The following CDH8 variants were observed in gnomAD, a reference collection of about 807,000 sequenced individuals.
CDH8 encodes the protein cadherin 8.
A neutral mutation model predicts 68.1 loss-of-function variants in CDH8; 17 were observed. That is an observed-to-expected ratio of 0.25 (90% CI 0.17 to 0.37). The LOEUF (loss-of-function observed/expected upper bound fraction) is 0.37, where lower values mean the gene tolerates loss of function less well. CDH8 is among the 10% of genes least tolerant of loss of function. CDH8 has a pLI of 1.00. For synonymous variants in CDH8, 372 were observed against 365.1 expected (o/e 1.02, Z -0.21); for missense variants, 763 against 999.3 (o/e 0.76, Z 3.19).
At chr16:61,855,706 A>C (rs1362271712) in intron 4 of CDH8, among the ~76,000 whole-genome samples, 1 of 152,284 alleles carries the variant, frequency 6.6e-6, no homozygotes, top group East Asian at 1.9e-4. Flanking sequence ...CCTGTGCCAT[A>C]GTTATTACCT....
chr16:61,987,882 G>C (rs1965654977), intron 2 of CDH8, among the ~76,000 whole-genome samples: 1 of 152,076 alleles, frequency 6.6e-6, no homozygotes, highest in African/African-American at 2.4e-5. Flanking sequence ...GCCTCATTTA[G>C]TTCTCTCAAT....
chr16:61,686,048 A>T (rs1464408630), intron 10 of CDH8, among the ~76,000 whole-genome samples: 1 of 152,018 alleles, frequency 6.6e-6, no homozygotes, highest in Non-Finnish European at 1.5e-5. Context: ...CACATTGGTT[A>T]TCTAATTTAA....
intron 1 of CDH8, among the ~76,000 whole-genome samples, chr16:62,025,420 C>A (rs924896344): frequency 3.9e-5 from 6 of 152,076 alleles, no homozygotes; most frequent in Non-Finnish European, 7.3e-5. Context: ...TAGCCATATA[C>A]CACAGAGAGG....
At chr16:61,720,180 T>A (rs1959206755) in intron 9 of CDH8, among the ~76,000 whole-genome samples, 1 of 150,974 alleles carries the variant, frequency 6.6e-6, no homozygotes, top group African/African-American at 2.4e-5. Flanking sequence ...GCTTAATGGT[T>A]ACAGCCATGT....
intron 1 of CDH8, 78 bp from the exon 2 acceptor site, chr16:62,021,680 C>T: frequency 1.3e-6 from 1 of 768,278 alleles, no homozygotes. Flanking sequence ...TTCAAAAGCA[C>T]CTGAAGTGAA....
chr16:61,953,895 T>TTATA (rs66743095), intron 2 of CDH8, among the ~76,000 whole-genome samples: 3,480 of 118,690 alleles, frequency 0.029, 88 homozygotes, highest in South Asian at 0.047. Context: ...AAAAAAAACT[T>TTATA]TATATATATA....
chr16:61,737,949 C>T (rs950262102), intron 8 of CDH8, among the ~76,000 whole-genome samples: 1 of 152,068 alleles, frequency 6.6e-6, no homozygotes, highest in Admixed American at 6.6e-5. Context: ...AGAGTAGTCA[C>T]TTTATTTCAC....
rs116140564 is a variant in CDH8 at position 61,875,843 on chromosome 16, T to C, written c.548-18605A>G. On this transcript the variant is annotated intron_variant, in intron 3 of 11. Transcript: ENST00000577390. The stretch of plus-strand genomic sequence containing the variant: ...TATCTTGCCACCAAATAGGAAGCTA[T>C]TGTGACCAAAATAGTTAGGTTTTCT... Among the ~76,000 whole-genome samples, 967 of 152,248 alleles carry C rather than the reference T, an allele frequency of 6.4e-3. 12 individuals carry two copies. The highest frequency in any genetic ancestry group is 0.022 in the African/African-American group (930 of 41,556).
intron 8 of CDH8, among the ~76,000 whole-genome samples, chr16:61,765,336 TC>T (rs1264296735): frequency 2.0e-5 from 3 of 152,116 alleles, no homozygotes; most frequent in Non-Finnish European, 2.9e-5. Flanking sequence ...TTTCAGTTTG[TC>T]CCCTAAACCC....
At chr16:61,848,898 T>C (rs1567498701) in intron 4 of CDH8, among the ~76,000 whole-genome samples, 1 of 152,120 alleles carries the variant, frequency 6.6e-6, no homozygotes, top group Non-Finnish European at 1.5e-5. Flanking sequence ...ATATTTATTG[T>C]AAACTATATG....
At chr16:61,753,903 T>G (rs1309128775) in intron 8 of CDH8, among the ~76,000 whole-genome samples, 2 of 152,154 alleles carry the variant, frequency 1.3e-5, no homozygotes, top group Non-Finnish European at 2.9e-5. Context: ...GGAGCTTTCA[T>G]CTGCCAGGTC....
chr16:61,912,274 A>T (rs1964174875), intron 2 of CDH8, among the ~76,000 whole-genome samples: 1 of 152,144 alleles, frequency 6.6e-6, no homozygotes, highest in Non-Finnish European at 1.5e-5. Context: ...GCCATAAAAT[A>T]GGAGGGTGAC....
rs780387534 is a variant in CDH8 at position 61,655,633 on chromosome 16, A to G, written c.1743T>C (p.Ser581=). The G allele has an allele frequency of 5.6e-6, 9 of 1,613,938 alleles. No individual in the cohort carries two copies. The South Asian group carries it at 9.9e-5, about 18-fold the overall frequency. The change falls in exon 11 of 12, where the codon AGT becomes AGC. Residue 581 remains serine (S), a synonymous_variant. Transcript: ENST00000577390. Reference sequence around the variant, plus strand: ...TAGTGCTGCTCAGTGGAGGATTTCCACTATCACTGATTATGATTGGTAAAA... The same window carrying G: ...TAGTGCTGCTCAGTGGAGGATTTCCGCTATCACTGATTATGATTGGTAAAA... The part of the protein sequence containing the change: ...VYLLPIIISD[S]GNPPLSSTST...
intron 2 of CDH8, among the ~76,000 whole-genome samples, chr16:61,960,262 T>TATATACGTGTGTGTGTATACACAC (rs1965111567): frequency 9.8e-6 from 1 of 102,024 alleles, no homozygotes; most frequent in Non-Finnish European, 1.8e-5. Flanking sequence ...TACACATACA[T>TATATACGTGTGTGTGTATACACAC]ATATACGTGT....
intron 11 of CDH8, among the ~76,000 whole-genome samples, chr16:61,654,402 C>T (rs16963771): frequency 0.045 from 6,867 of 152,012 alleles, 433 homozygotes; most frequent in East Asian, 0.26. Flanking sequence ...GAGTGAGTGG[C>T]ACAAAATAGA....
intron 8 of CDH8, among the ~76,000 whole-genome samples, chr16:61,782,110 T>C (rs1479618881): frequency 6.6e-6 from 1 of 152,096 alleles, no homozygotes; most frequent in Non-Finnish European, 1.5e-5. Context: ...TAGGAACAGC[T>C]CCGGTCTACA....
intron 10 of CDH8, among the ~76,000 whole-genome samples, chr16:61,659,778 G>A (rs899378136): frequency 3.9e-5 from 6 of 152,146 alleles, no homozygotes; most frequent in Non-Finnish European, 8.8e-5. Flanking sequence ...TTTGCCCAGG[G>A]GGGTGGAAAG....
chr16:61,738,780 A>AATGTCATCT (rs1007117362), intron 8 of CDH8, among the ~76,000 whole-genome samples: 22 of 152,192 alleles, frequency 1.4e-4, no homozygotes, highest in African/African-American at 5.3e-4. Context: ...CGTGCATACA[A>AATGTCATCT]ATGTCATCTT....
intron 2 of CDH8, among the ~76,000 whole-genome samples, chr16:61,962,555 G>A (rs1965175042): frequency 6.6e-6 from 1 of 152,130 alleles, no homozygotes; most frequent in Non-Finnish European, 1.5e-5. Flanking sequence ...AGTTAGTCTG[G>A]GGCTGTTGGC....
Sources: gnomAD v4.1 joint callset for allele counts (sites outside exome capture counted in the v4.1 genomes callset) on GRCh38, gnomAD v4.1.1 for gene constraint, MANE v1.5 for transcripts, NCBI Gene and HGNC (gene_info 2026-07-23, HGNC 2026-07-21) for gene names.